The following SYCE1L variants were observed in gnomAD, a reference collection of about 807,000 sequenced individuals.
The protein encoded by SYCE1L is synaptonemal complex central element protein 1 like, also known as synaptonemal complex central element protein 1-like.
A neutral mutation model predicts 39.6 loss-of-function variants in SYCE1L; 51 were observed. That is an observed-to-expected ratio of 1.29 (90% confidence interval 1.03 to 1.63). SYCE1L has a LOEUF of 1.63. Ranked by LOEUF, SYCE1L falls within the 40% of genes most tolerant of loss-of-function variation. The pLI is 0.00. For missense variants in SYCE1L, 426 were observed against 304.9 expected (o/e 1.40, Z -2.96); for synonymous variants, 147 against 122.4 (o/e 1.20, Z -1.33).
chr16:77,206,572 C>G (rs1460205739), intron 2 of SYCE1L, 72 bp downstream of exon 2: 1 of 1,455,542 alleles, frequency 6.9e-7, no homozygotes, highest in Non-Finnish European at 9.4e-7. Context: ...AAATTCAGCC[C>G]CCTGAACTCA....
intron 5 of SYCE1L, 100 bp downstream of exon 5, chr16:77,209,244 A>G: frequency 7.0e-7 from 1 of 1,426,372 alleles, no homozygotes; most frequent in East Asian, 2.5e-5. Context: ...AACCTAAGGC[A>G]GGGTGCTTCC....
Position 77,206,486 on chromosome 16 carries a change from T to C in SYCE1L, c.107T>C (p.Ile36Thr). The C allele has an allele frequency of 6.4e-7, 1 of 1,551,746 alleles. No individual in the cohort carries two copies. Among genetic ancestry groups the C allele is most frequent in the Non-Finnish European group, 8.7e-7 (1 of 1,147,004 alleles). ...LKTEDLLAMV[I>T]KLQKEGSLEP... The stretch of plus-strand genomic sequence containing the variant: ...ACTGAAGACTTGCTGGCAATGGTGA[T>C]AAAGCTGCAGAAAGGTCATGTGTCT... Residue 36 changes from isoleucine (I) to threonine (T), a missense_variant, in exon 2 of 11, where the codon ATA (isoleucine) becomes ACA (threonine). Transcript: ENST00000378644.
chr16:77,212,714 T>A, intron 10 of SYCE1L, 68 bp downstream of exon 10: 1 of 1,447,270 alleles, frequency 6.9e-7, no homozygotes, highest in Non-Finnish European at 9.1e-7. Context: ...GCGGGGGTCC[T>A]GGGAGCGGCC....
chr16:77,200,291 T>TATATATATATATATATATACATACAC, intron 1 of SYCE1L: 1 of 111,430 alleles, frequency 9.0e-6, no homozygotes, highest in African/African-American at 3.4e-5. Context: ...TATATATATA[T>TATATATATATATATATATACATACAC]ACACACACTA....
In SYCE1L at chr16:77,213,061, G is replaced by C. The variant is rs1045448547; in HGVS notation, c.*130G>C. On this transcript the variant is annotated 3_prime_UTR_variant, in exon 11 of 11. Coordinates refer to ENST00000378644, the MANE Select transcript of SYCE1L (RefSeq NM_001129979.3). Reference sequence around the variant, plus strand: ...CGTGGAGCGGGGCGGGGCGTGCTGGGATCTCGAGGCGGGGCCTCTGCCGGA... The same window carrying C: ...CGTGGAGCGGGGCGGGGCGTGCTGGCATCTCGAGGCGGGGCCTCTGCCGGA... 35 of 974,430 alleles carry C rather than the reference G, an allele frequency of 3.6e-5. No homozygotes were observed. In the African/African-American group the frequency reaches 5.3e-4, roughly 15 times the overall value. 60.4% of individuals were successfully genotyped at this position (974,430 alleles called of 1,614,324 possible). A position where few individuals can be genotyped will look rare whatever the true frequency, so the allele number is the denominator to read the frequency against.
At chr16:77,208,293 C>T (rs974167998) in intron 3 of SYCE1L, 24 bp downstream of exon 3, 158 of 1,550,612 alleles carry the variant, frequency 1.0e-4, no homozygotes, top group Admixed American at 1.4e-4. Context: ...CTTAGACTGG[C>T]CAGCTGGGGC....
At chr16:77,208,167 A>T (rs2054798421) in intron 2 of SYCE1L, 43 bp from the exon 3 acceptor site, 4 of 1,536,508 alleles carry the variant, frequency 2.6e-6, no homozygotes, top group East Asian at 2.4e-5. Flanking sequence ...ACAGCCAGAC[A>T]CCAGTCTTCT....
At position 77,208,511 on chromosome 16, in the gene SYCE1L, G is replaced by A. The variant is rs1380326236; in HGVS notation, c.228G>A (p.Trp76Ter). ...AACTGAGAGAGACCCACAGTCTCTG[G>A]GAGGCCCTGCATAGGGAATTAGACT... Reference protein sequence around the residue: ...SEELRETHSLWEALHRELDSL... With the variant: ...SEELRETHSL Residue 76 changes from tryptophan to a stop codon, truncating the protein, a stop_gained, in exon 4 of 11, where the codon TGG (tryptophan) becomes TGA (stop). Transcript: ENST00000378644. LOFTEE classifies it high-confidence loss of function. 1 of 1,551,682 alleles carries A rather than the reference G, an allele frequency of 6.4e-7. No individual in the cohort carries two copies. The highest frequency in any genetic ancestry group is 2.0e-5 in the Admixed American group (1 of 50,996).
chr16:77,213,025 CTG>C lies in SYCE1L; in HGVS notation c.*97_*98del, dbSNP rs1441675322. On this transcript the variant is annotated 3_prime_UTR_variant, in exon 11 of 11. Coordinates refer to ENST00000378644, the MANE Select transcript of SYCE1L (RefSeq NM_001129979.3). ...ACCATGCTCGCGTTCTCCGCGGAGT[CTG>C]TGCTACACCGTGGAGCGGGGCGGGG... 8.3e-6 allele frequency: 10 copies of C among 1,207,346 alleles called. No individual in the cohort carries two copies. Among genetic ancestry groups the C allele is most frequent in the Non-Finnish European group, 1.1e-5 (10 of 926,888 alleles). The allele number at this position is 1,207,346 out of a possible 1,614,324, so 74.8% of individuals were successfully genotyped here.
At chr16:77,211,411 C>T in intron 7 of SYCE1L, 135 bp downstream of exon 7, 1 of 1,018,348 alleles carries the variant, frequency 9.8e-7, no homozygotes, top group South Asian at 1.4e-5. Context: ...CGCTTGCCCA[C>T]CTATTCAGTC....
chr16:77,210,395 C>T (rs978027658), intron 6 of SYCE1L, among the ~76,000 whole-genome samples: 6 of 152,186 alleles, frequency 3.9e-5, no homozygotes, highest in African/African-American at 1.2e-4. Flanking sequence ...CATCCTGGTG[C>T]ACCATGATTT....
chr16:77,212,893 G>C lies in SYCE1L; in HGVS notation c.691G>C (p.Asp231His). The change falls in exon 11 of 11, where the codon GAT (aspartate) becomes CAT (histidine). Residue 231 changes from aspartate (D) to histidine (H), a missense_variant. Asp to His is a moderately conservative substitution (Grantham distance 81). Transcript: ENST00000378644. ...GCTCCCCCGCGCTCGCGACGAGGAG[G>C]ATCCCGAGCCGCCGGTGGCTGCCCC... Reference protein sequence around the residue: ...PELPRARDEEDPEPPVAAPDA... With the variant: ...PELPRARDEEHPEPPVAAPDA... 6.5e-7 allele frequency: 1 copy of C among 1,528,448 alleles called. No homozygotes were observed. Among genetic ancestry groups the C allele is most frequent in the Non-Finnish European group, 8.8e-7 (1 of 1,139,904 alleles). 94.7% of individuals were successfully genotyped at this position (1,528,448 alleles called of 1,614,324 possible).
At position 77,206,461 on chromosome 16, in the gene SYCE1L, A is replaced by C. The variant is rs748462273; in HGVS notation, c.82A>C (p.Thr28Pro). ...EAEGQAKSLK[T>P]EDLLAMVIKL... ...TACAGGGCAAGCCAAGTCTTTGAAGACTGAAGACTTGCTGGCAATGGTGAT... is the reference window on the plus strand; with the variant it reads ...TACAGGGCAAGCCAAGTCTTTGAAGCCTGAAGACTTGCTGGCAATGGTGAT... Residue 28 changes from threonine (T) to proline (P), a missense_variant, in exon 2 of 11, where the codon ACT becomes CCT. Coordinates refer to ENST00000378644, the MANE Select transcript of SYCE1L (RefSeq NM_001129979.3). The C allele has an allele frequency of 6.4e-7, 1 of 1,551,690 alleles. No individual in the cohort carries two copies. The highest frequency in any genetic ancestry group is 1.2e-5 in the South Asian group (1 of 84,056).
intron 2 of SYCE1L, among the ~76,000 whole-genome samples, chr16:77,207,348 G>T (rs554004298): frequency 1.3e-5 from 2 of 152,178 alleles, no homozygotes; most frequent in Admixed American, 6.5e-5. Context: ...CCCCAGTTCC[G>T]TGTTGGCAAC....
chr16:77,200,291 T>TACACATATACAC (rs2054724506), intron 1 of SYCE1L: 2 of 111,430 alleles, frequency 1.8e-5, no homozygotes, highest in South Asian at 5.4e-4. Context: ...TATATATATA[T>TACACATATACAC]ACACACACTA....
At chr16:77,208,169 C>T (rs2054798451) in intron 2 of SYCE1L, 41 bp from the exon 3 acceptor site, 6 of 1,537,238 alleles carry the variant, frequency 3.9e-6, no homozygotes, top group Non-Finnish European at 5.3e-6. Context: ...AGCCAGACAC[C>T]AGTCTTCTCT....
At chr16:77,207,591 C>T (rs150482399) in intron 2 of SYCE1L, among the ~76,000 whole-genome samples, 413 of 152,276 alleles carry the variant, frequency 2.7e-3, no homozygotes, top group African/African-American at 9.5e-3. Flanking sequence ...TTTGACAGGG[C>T]GGGGCAGATG....
intron 1 of SYCE1L, among the ~76,000 whole-genome samples, chr16:77,203,796 C>T (rs1376425622): frequency 3.3e-5 from 5 of 151,808 alleles, no homozygotes; most frequent in African/African-American, 1.2e-4. Flanking sequence ...GGTTTTGCCA[C>T]GTTGGCCAAG....
chr16:77,206,141 A>G (rs1363976539), intron 1 of SYCE1L, among the ~76,000 whole-genome samples: 1 of 152,198 alleles, frequency 6.6e-6, no homozygotes, highest in African/African-American at 2.4e-5. Context: ...CTTGAACAGC[A>G]GCATCAGCAA....
Sources: gnomAD v4.1 joint callset for allele counts (sites outside exome capture counted in the v4.1 genomes callset) on GRCh38, gnomAD v4.1.1 for gene constraint, MANE v1.5 for transcripts, NCBI Gene and HGNC (gene_info 2026-07-23, HGNC 2026-07-21) for gene names.